GALNT14: variants seen among roughly 807,000 people sequenced by gnomAD.
GALNT14 encodes the protein UDP-GalNAc:polypeptide N-acetylgalactosaminyltransferase 14.
A neutral mutation model predicts 77.5 loss-of-function variants in GALNT14; 60 were observed. The ratio of observed to expected loss-of-function variants is 0.77; its 90% CI spans 0.63 to 0.96. The LOEUF (loss-of-function observed/expected upper bound fraction) is 0.96. Ranked by LOEUF, GALNT14 falls within the 40% of genes least tolerant of loss-of-function variation. GALNT14 has a pLI of 0.00. For missense variants in GALNT14, 710 were observed against 731.0 expected (o/e 0.97, Z 0.33); for synonymous variants, 280 against 281.7 (o/e 0.99, Z 0.06).
At chr2:30,933,288 C>T (rs76601400) in intron 9 of GALNT14, among the ~76,000 whole-genome samples, 3,416 of 152,254 alleles carry the variant, frequency 0.022, 232 homozygotes, top group East Asian at 0.2. Flanking sequence ...AAAGGCAGCT[C>T]CTCATGTGTA....
At chr2:31,035,924 T>A (rs1420660826) in intron 1 of GALNT14, among the ~76,000 whole-genome samples, 1 of 152,062 alleles carries the variant, frequency 6.6e-6, no homozygotes, top group African/African-American at 2.4e-5. Flanking sequence ...GCTTAATACC[T>A]GAGTGACAAA....
At chr2:31,041,862 A>G (rs1043143375) in intron 1 of GALNT14, among the ~76,000 whole-genome samples, 1 of 152,224 alleles carries the variant, frequency 6.6e-6, no homozygotes, top group African/African-American at 2.4e-5. Flanking sequence ...ATGTGAGAAC[A>G]TTCACAGATG....
chr2:31,045,942 C>A (rs751925404), intron 1 of GALNT14, among the ~76,000 whole-genome samples: 1 of 152,138 alleles, frequency 6.6e-6, no homozygotes, highest in African/African-American at 2.4e-5. Flanking sequence ...CATCCTGTTA[C>A]CACTGCTGCA....
chr2:30,900,583 GAC>G, the GALNT14 span, among the ~76,000 whole-genome samples: 1 of 152,296 alleles, frequency 6.6e-6, no homozygotes, highest in East Asian at 1.9e-4. Flanking sequence ...CGGTGGGAAA[GAC>G]AGCGGTGACA....
At chr2:31,099,687 A>G (rs1677171243) in intron 1 of GALNT14, among the ~76,000 whole-genome samples, 1 of 152,074 alleles carries the variant, frequency 6.6e-6, no homozygotes, top group Non-Finnish European at 1.5e-5. Flanking sequence ...TACCTTTGTC[A>G]AATACTAAAT....
In GALNT14 at chr2:30,930,750, G is replaced by T. The variant is rs1665675057; in HGVS notation, c.1059-1263C>A. Among the ~76,000 whole-genome samples the T allele has an allele frequency of 2.0e-5, 3 of 152,250 alleles. No individual in the cohort carries two copies. In the South Asian group the frequency reaches 6.2e-4, roughly 31 times the overall value. On this transcript the variant is annotated intron_variant, in intron 10 of 14. Transcript: ENST00000349752. ...GCTAGGACCTGCAATGACAGTTTAT[G>T]CACACACAGCCTGGTTGGTGGGGCA...
intron 3 of GALNT14, among the ~76,000 whole-genome samples, chr2:30,960,977 C>T (rs1667657586): frequency 6.6e-6 from 1 of 152,258 alleles, no homozygotes; most frequent in Admixed American, 6.5e-5. Context: ...CAGCTCATCT[C>T]TCTGCCAGAG....
intron 1 of GALNT14, among the ~76,000 whole-genome samples, chr2:31,000,613 A>C (rs1670311580): frequency 6.6e-6 from 1 of 152,138 alleles, no homozygotes; most frequent in South Asian, 2.1e-4. Context: ...TTGAAGTCCT[A>C]AGGTGGTCTG....
chr2:30,931,330 T>C (rs578139956), intron 10 of GALNT14, among the ~76,000 whole-genome samples: 109 of 151,366 alleles, frequency 7.2e-4, no homozygotes, highest in Non-Finnish European at 1.2e-3. Flanking sequence ...TGACAAGAGA[T>C]AGAGGGTGGG....
intron 13 of GALNT14, among the ~76,000 whole-genome samples, chr2:30,918,530 T>C (rs1664825640): frequency 6.6e-6 from 1 of 152,202 alleles, no homozygotes. Flanking sequence ...CTTACAGACC[T>C]TCCTTTGGAA....
chr2:31,035,283 G>C (rs923312403), intron 1 of GALNT14, among the ~76,000 whole-genome samples: 7 of 152,010 alleles, frequency 4.6e-5, no homozygotes, highest in African/African-American at 1.7e-4. Context: ...TCTGCCATTA[G>C]ATGCATATAT....
chr2:30,891,793 T>C, the GALNT14 span, among the ~76,000 whole-genome samples: 1 of 152,042 alleles, frequency 6.6e-6, no homozygotes, highest in East Asian at 1.9e-4. Flanking sequence ...CCCGAGAGAA[T>C]GAGGGTAGAG....
At chr2:31,033,615 A>G (rs1672543013) in intron 1 of GALNT14, among the ~76,000 whole-genome samples, 1 of 152,034 alleles carries the variant, frequency 6.6e-6, no homozygotes, top group African/African-American at 2.4e-5. Context: ...GGCGACTTGC[A>G]ACACTGTGAA....
intron 1 of GALNT14, among the ~76,000 whole-genome samples, chr2:31,087,757 G>T (rs1260914277): frequency 1.3e-5 from 2 of 152,198 alleles, no homozygotes; most frequent in African/African-American, 4.8e-5. Context: ...ATTGGATTTG[G>T]CAATACAGAT....
At chr2:30,895,763 A>T in the GALNT14 span, among the ~76,000 whole-genome samples, 1 of 152,014 alleles carries the variant, frequency 6.6e-6, no homozygotes, top group Non-Finnish European at 1.5e-5. Context: ...CACCAAGCAC[A>T]TCCTCCCTCC....
the GALNT14 span, among the ~76,000 whole-genome samples, chr2:30,896,091 G>A: frequency 2.0e-5 from 3 of 152,108 alleles, no homozygotes; most frequent in East Asian, 1.9e-4. Flanking sequence ...AATACTGCTC[G>A]CAGTAAATAA....
chr2:31,042,644 T>C (rs557405095), intron 1 of GALNT14, among the ~76,000 whole-genome samples: 1 of 152,206 alleles, frequency 6.6e-6, no homozygotes, highest in East Asian at 1.9e-4. Context: ...AACCTTGGGG[T>C]AGCCTTCACT....
intron 1 of GALNT14, among the ~76,000 whole-genome samples, chr2:31,105,920 C>A (rs529094645): frequency 6.6e-6 from 1 of 152,188 alleles, no homozygotes; most frequent in Non-Finnish European, 1.5e-5. Context: ...TTTAGAAATC[C>A]CCTTTCAAAC....
intron 3 of GALNT14, among the ~76,000 whole-genome samples, chr2:30,962,360 C>A (rs996732900): frequency 6.6e-6 from 1 of 152,186 alleles, no homozygotes; most frequent in Non-Finnish European, 1.5e-5. Context: ...TTCTTAACCA[C>A]CTTACTCTGA....
Sources: allele counts gnomAD v4.1 joint callset (sites outside exome capture counted in the v4.1 genomes callset), GRCh38; gene constraint gnomAD v4.1.1; transcripts MANE v1.5; gene names NCBI Gene and HGNC (gene_info 2026-07-23, HGNC 2026-07-21).